Variants in PCDH9 observed in about 807,000 individuals in gnomAD.
PCDH9 encodes the protein protocadherin 9, also known as protocadherin-9.
Under a neutral mutation model 70.6 loss-of-function variants are expected in PCDH9, and 24 were observed. That is an observed-to-expected ratio of 0.34 (90% confidence interval 0.25 to 0.48). The LOEUF (loss-of-function observed/expected upper bound fraction) is 0.48, where lower values mean the gene tolerates loss of function less well. PCDH9 is among the 20% of genes least tolerant of loss of function. PCDH9 has a pLI of 0.99. For synonymous variants in PCDH9, 562 were observed against 558.5 expected, an observed-to-expected ratio of 1.01 and a Z score of -0.09; for missense variants, 1,281 against 1,503.6, an observed-to-expected ratio of 0.85 and a Z score of 2.45.
chr13:67,092,918 CT>C (rs138536478), intron 2 of PCDH9, among the ~76,000 whole-genome samples: 31,837 of 151,810 alleles, frequency 0.21, 3,573 homozygotes, highest in Admixed American at 0.28. Flanking sequence ...GGAATTGCAG[CT>C]TTTAATGGCG....
intron 1 of PCDH9, among the ~76,000 whole-genome samples, 161 bp downstream of exon 1, chr13:67,229,619 C>T (rs1357004033): frequency 6.6e-6 from 1 of 152,140 alleles, no homozygotes; most frequent in African/African-American, 2.4e-5. Context: ...AGCTGATGCC[C>T]GCGATTAGTT....
chr13:66,851,573 CCT>C (rs879933353), intron 3 of PCDH9, among the ~76,000 whole-genome samples: 341 of 109,046 alleles, frequency 3.1e-3, no homozygotes, highest in Admixed American at 6.5e-3. Flanking sequence ...CCCGCATCAC[CCT>C]CACACACACA....
At chr13:67,160,918 C>T (rs944360860) in intron 2 of PCDH9, among the ~76,000 whole-genome samples, 1 of 152,140 alleles carries the variant, frequency 6.6e-6, no homozygotes, top group Non-Finnish European at 1.5e-5. Flanking sequence ...CTTTCCTGGT[C>T]GCTTAGATAT....
chr13:66,614,903 G>T (rs192534862), intron 4 of PCDH9, among the ~76,000 whole-genome samples: 81 of 152,284 alleles, frequency 5.3e-4, no homozygotes, highest in African/African-American at 1.9e-3. Flanking sequence ...CTCACATTTT[G>T]TATTTGTCCC....
intron 3 of PCDH9, among the ~76,000 whole-genome samples, chr13:66,891,475 A>T (rs2082094605): frequency 6.6e-6 from 1 of 152,132 alleles, no homozygotes; most frequent in South Asian, 2.1e-4. Context: ...CAAATTGCTT[A>T]AAACTAAATA....
intron 3 of PCDH9, among the ~76,000 whole-genome samples, chr13:66,895,335 A>T (rs2082159853): frequency 6.6e-6 from 1 of 152,194 alleles, no homozygotes; most frequent in Non-Finnish European, 1.5e-5. Context: ...AATTTCATTC[A>T]TTATTAACTC....
chr13:66,663,226 T>A (rs1477676551), intron 3 of PCDH9, among the ~76,000 whole-genome samples: 1 of 152,212 alleles, frequency 6.6e-6, no homozygotes, highest in Non-Finnish European at 1.5e-5. Flanking sequence ...TTTATGAGAT[T>A]GATGTCCTGG....
rs370471612 is a variant in PCDH9 at position 66,505,343 on chromosome 13, A to G, written c.3340+125867T>C. Among the ~76,000 whole-genome samples, 8 of 152,258 alleles carry G rather than the reference A, an allele frequency of 5.3e-5. No homozygotes were observed. In the East Asian group the frequency reaches 7.7e-4, roughly 15 times the overall value. On this transcript the variant is annotated intron_variant, in intron 4 of 4. Transcript: ENST00000377865. ...GGAAGGTGAATGAGAGTAAAGTCAC[A>G]TCTTACATGGCAGCAGGCAAGAGGG...
chr13:66,827,367 A>AAG (rs1384839511), intron 3 of PCDH9, among the ~76,000 whole-genome samples: 1 of 135,802 alleles, frequency 7.4e-6, no homozygotes, highest in African/African-American at 2.5e-5. Context: ...TGGCAAAAAA[A>AAG]AAAAAAAGAA....
intron 4 of PCDH9, among the ~76,000 whole-genome samples, chr13:66,452,017 A>C (rs1164962374): frequency 6.6e-6 from 1 of 152,122 alleles, no homozygotes; most frequent in African/African-American, 2.4e-5. Context: ...TAAATTCTGA[A>C]ATATTCTTTT....
At chr13:66,410,781 G>A (rs756272358) in intron 4 of PCDH9, among the ~76,000 whole-genome samples, 3 of 152,094 alleles carry the variant, frequency 2.0e-5, no homozygotes, top group Non-Finnish European at 4.4e-5. Context: ...AGCTACCATA[G>A]TAGAAAATAA....
At chr13:66,824,651 G>GATATATATATAT (rs67211029) in intron 3 of PCDH9, among the ~76,000 whole-genome samples, 37 of 99,042 alleles carry the variant, frequency 3.7e-4, no homozygotes, top group African/African-American at 5.7e-4. Flanking sequence ...GCGAAACTCT[G>GATATATATATAT]ATATATATAT....
chr13:66,556,839 CA>C (rs1247284585), intron 4 of PCDH9, among the ~76,000 whole-genome samples: 2 of 151,992 alleles, frequency 1.3e-5, no homozygotes, highest in African/African-American at 4.8e-5. Flanking sequence ...TATTTCATAA[CA>C]AAAAGGGCAA....
At chr13:66,572,493 T>C (rs1724908182) in intron 4 of PCDH9, among the ~76,000 whole-genome samples, 1 of 152,118 alleles carries the variant, frequency 6.6e-6, no homozygotes, top group Admixed American at 6.5e-5. Context: ...CTTCTTTCAC[T>C]TAACATAATG....
At chr13:66,728,290 A>C (rs2079031057) in intron 3 of PCDH9, among the ~76,000 whole-genome samples, 2 of 152,146 alleles carry the variant, frequency 1.3e-5, no homozygotes, top group Non-Finnish European at 2.9e-5. Flanking sequence ...TCCTTTGTAC[A>C]CTGGAGTTTC....
chr13:66,471,935 G>A (rs1958626182), intron 4 of PCDH9, among the ~76,000 whole-genome samples: 1 of 152,158 alleles, frequency 6.6e-6, no homozygotes, highest in Non-Finnish European at 1.5e-5. Context: ...ATGTGGCCGG[G>A]CGCAGTGGTT....
intron 3 of PCDH9, among the ~76,000 whole-genome samples, chr13:66,790,041 T>A (rs9599146): frequency 0.45 from 67,915 of 151,968 alleles, 16,830 homozygotes; most frequent in Middle Eastern, 0.61. Context: ...CTAAACGTTT[T>A]TAAGGTGGCT....
chr13:66,740,656 G>C (rs77935620), intron 3 of PCDH9, among the ~76,000 whole-genome samples: 90,626 of 149,712 alleles, frequency 0.61, 28,530 homozygotes, highest in Non-Finnish European at 0.72. Flanking sequence ...TGATAAAGGG[G>C]ATATCACCAC....
intron 4 of PCDH9, among the ~76,000 whole-genome samples, chr13:66,552,666 C>T (rs1463088231): frequency 3.9e-5 from 6 of 152,022 alleles, no homozygotes; most frequent in African/African-American, 1.4e-4. Context: ...TGATTAAATA[C>T]TTTGGGGGGA....
Sources: gnomAD v4.1 joint callset for allele counts (sites outside exome capture counted in the v4.1 genomes callset) on GRCh38, gnomAD v4.1.1 for gene constraint, MANE v1.5 for transcripts, NCBI Gene and HGNC (gene_info 2026-07-23, HGNC 2026-07-21) for gene names.